The following RYR3 variants were observed in gnomAD, a reference collection of about 807,000 sequenced individuals.
RYR3 encodes the protein brain ryanodine receptor-calcium release channel.
Under a neutral mutation model 584.3 loss-of-function variants are expected in RYR3, and 207 were observed. The ratio of observed to expected loss-of-function variants is 0.35; its 90% CI spans 0.32 to 0.40. The LOEUF is 0.40. RYR3 is among the 10% of genes least tolerant of loss of function. RYR3 has a pLI of 1.00. For missense variants in RYR3, 5,616 were observed against 6,089.2 expected (o/e 0.92, Z 2.59); for synonymous variants, 2,416 against 2,248.5 (o/e 1.07, Z -2.11).
chr15:33,800,648 CA>C, intron 67 of RYR3, 121 bp from the exon 68 acceptor site: 1 of 661,788 alleles, frequency 1.5e-6, no homozygotes, highest in Non-Finnish European at 2.7e-6. Flanking sequence ...TTATTGCTTT[CA>C]TATGAGAATG....
At chr15:33,631,376 C>A in intron 23 of RYR3, 83 bp downstream of exon 23, 2 of 846,818 alleles carry the variant, frequency 2.4e-6, no homozygotes, top group Non-Finnish European at 3.8e-6. Flanking sequence ...CCAAGACAGA[C>A]AACAGCCCAC....
At chr15:33,573,137 T>C (rs966686699) in intron 12 of RYR3, among the ~76,000 whole-genome samples, 1 of 152,066 alleles carries the variant, frequency 6.6e-6, no homozygotes, top group Non-Finnish European at 1.5e-5. Flanking sequence ...ATTCAGCTGT[T>C]AAGTCCCACC....
intron 1 of RYR3, among the ~76,000 whole-genome samples, chr15:33,358,927 G>T (rs1185854035): frequency 1.3e-5 from 2 of 152,172 alleles, no homozygotes; most frequent in South Asian, 2.1e-4. Context: ...AACATTCTAA[G>T]TACTTTTCTA....
chr15:33,423,088 C>T (rs556322696), intron 1 of RYR3, among the ~76,000 whole-genome samples: 2 of 152,058 alleles, frequency 1.3e-5, no homozygotes, highest in Admixed American at 1.3e-4. Flanking sequence ...GTTTTACAAC[C>T]ATCACCACTA....
At chr15:33,794,921 A>G (rs1468031933) in intron 67 of RYR3, among the ~76,000 whole-genome samples, 1 of 152,138 alleles carries the variant, frequency 6.6e-6, no homozygotes, top group African/African-American at 2.4e-5. Context: ...GCCTCTGGTT[A>G]TTGGGAAAAG....
chr15:33,662,318 G>T lies in RYR3; in HGVS notation c.4788G>T (p.Lys1596Asn), dbSNP rs369160480. ...AGCTCTTCTATGCCATTGACAACAA[G>T]TACCTCCCCGGCCTCCTTCGATCTG... ...LSQLFYAIDN[K>N]YLPGLLRSGF... Residue 1596 changes from lysine (K) to asparagine (N), a missense_variant, in exon 35 of 104, where the codon AAG (lysine) becomes AAT (asparagine). Lys to Asn is a moderately conservative substitution (Grantham distance 94). Coordinates refer to ENST00000634891, the MANE Select transcript of RYR3 (RefSeq NM_001036.6). 1.9e-6 allele frequency: 3 copies of T among 1,611,756 alleles called. No homozygotes were observed. In the African/African-American group the frequency reaches 4.0e-5, roughly 22 times the overall value.
At chr15:33,671,184 G>C (rs1287674576) in intron 38 of RYR3, among the ~76,000 whole-genome samples, 3 of 152,050 alleles carry the variant, frequency 2.0e-5, no homozygotes, top group Admixed American at 2.0e-4. Context: ...TGTTCTGCAG[G>C]GCTGTTAGAC....
At chr15:33,797,756 A>G (rs1180822128) in intron 67 of RYR3, among the ~76,000 whole-genome samples, 1 of 152,112 alleles carries the variant, frequency 6.6e-6, no homozygotes, top group African/African-American at 2.4e-5. Context: ...CCTTGGCTAG[A>G]TAGGATATGA....
At chr15:33,797,085 A>G (rs1253486381) in intron 67 of RYR3, among the ~76,000 whole-genome samples, 1 of 152,210 alleles carries the variant, frequency 6.6e-6, no homozygotes, top group African/African-American at 2.4e-5. Context: ...GTAGAATAAT[A>G]GACATTGGAG....
chr15:33,544,625 A>G (rs914889253), intron 8 of RYR3, among the ~76,000 whole-genome samples: 4 of 152,268 alleles, frequency 2.6e-5, no homozygotes, highest in African/African-American at 9.6e-5. Context: ...TAATTGATGT[A>G]CTCAAGGACC....
intron 85 of RYR3, among the ~76,000 whole-genome samples, chr15:33,828,304 G>C (rs560718547): frequency 3.9e-5 from 6 of 152,126 alleles, no homozygotes; most frequent in Non-Finnish European, 5.9e-5. Context: ...AGTTAGGTCA[G>C]TTAATTTCCC....
chr15:33,550,417 G>T lies in RYR3; in HGVS notation c.972+101G>T. ...GGAAAAGAAAGTAGGCTGGAACAAA[G>T]TGAAATTGGAAATTTGCCCTAAGAT... On this transcript the variant is annotated intron_variant, in intron 10 of 103. Transcript: ENST00000634891. 6 of 1,219,560 alleles carry T rather than the reference G, an allele frequency of 4.9e-6. No homozygotes were observed. In the South Asian group the frequency reaches 9.6e-5, roughly 20 times the overall value. The allele number at this position is 1,219,560 out of a possible 1,614,324, so 75.5% of individuals were successfully genotyped here.
chr15:33,685,799 C>G (rs574999236), intron 38 of RYR3, among the ~76,000 whole-genome samples: 1 of 152,288 alleles, frequency 6.6e-6, no homozygotes, highest in East Asian at 1.9e-4. Flanking sequence ...CACTCAAAAC[C>G]GCACAACTAC....
chr15:33,743,489 A>G (rs765458634), intron 52 of RYR3, among the ~76,000 whole-genome samples: 15 of 152,320 alleles, frequency 9.8e-5, no homozygotes, highest in Non-Finnish European at 2.1e-4. Flanking sequence ...ACATTTTATT[A>G]ATTAAAAAAA....
chr15:33,728,657 A>G (rs1439053270), intron 46 of RYR3, among the ~76,000 whole-genome samples, 200 bp from the exon 47 acceptor site: 1 of 152,228 alleles, frequency 6.6e-6, no homozygotes, highest in Non-Finnish European at 1.5e-5. Flanking sequence ...TCCATTGAGC[A>G]TCATGTTGGT....
intron 2 of RYR3, among the ~76,000 whole-genome samples, chr15:33,482,642 C>G (rs1032998752): frequency 6.6e-6 from 1 of 152,200 alleles, no homozygotes; most frequent in Non-Finnish European, 1.5e-5. Context: ...TGGTCTCGAA[C>G]TCCTGACGTT....
intron 38 of RYR3, among the ~76,000 whole-genome samples, chr15:33,691,585 T>C (rs1420827521): frequency 6.6e-6 from 1 of 152,172 alleles, no homozygotes; most frequent in East Asian, 1.9e-4. Context: ...AAAAATGGCA[T>C]TCATGAAATA....
At chr15:33,488,657 C>A (rs1214528613) in intron 2 of RYR3, among the ~76,000 whole-genome samples, 1 of 152,036 alleles carries the variant, frequency 6.6e-6, no homozygotes, top group African/African-American at 2.4e-5. Flanking sequence ...TCGAGACCAT[C>A]CTGGCCAACA....
rs1567185370 is a variant in RYR3, at chr15:33,794,305, A to AT, written c.9830+5852dup. On this transcript the variant is annotated intron_variant, in intron 67 of 103. Transcript: ENST00000634891. Reference sequence around the variant, plus strand: ...GAAAGAAAAGATTTTTTATATATATATTTTTATATATATATATTTTTATAT... The same window carrying AT: ...GAAAGAAAAGATTTTTTATATATATATTTTTTATATATATATATTTTTATAT... Among the ~76,000 whole-genome samples the AT allele has an allele frequency of 1.3e-4, 13 of 100,320 alleles. 1 individual carries two copies. The highest frequency in any genetic ancestry group is 2.5e-4 in the African/African-American group (8 of 31,436). The allele number at this position is 100,320 out of a possible 152,430, so 65.8% of individuals were successfully genotyped here.
Sources: allele counts gnomAD v4.1 joint callset (sites outside exome capture counted in the v4.1 genomes callset), GRCh38; gene constraint gnomAD v4.1.1; transcripts MANE v1.5; gene names NCBI Gene and HGNC (gene_info 2026-07-23, HGNC 2026-07-21).